ST6GALNAC3: variants seen among roughly 807,000 people sequenced by gnomAD.
ST6GALNAC3 encodes the protein alpha-N-acetylgalactosaminide alpha-2,6-sialyltransferase 3.
In ST6GALNAC3, 25 loss-of-function variants were observed where a neutral mutation model predicts 32.7. The ratio of observed to expected loss-of-function variants is 0.76; its 90% confidence interval spans 0.56 to 1.07. The LOEUF is 1.07. Among genes scored for constraint, ST6GALNAC3 ranks in the 50% least tolerant of loss-of-function variants. The pLI is 0.00. For synonymous variants in ST6GALNAC3, 129 were observed against 133.1 expected (o/e 0.97, Z 0.21); for missense variants, 355 against 382.4 (o/e 0.93, Z 0.60).
At chr1:76,430,592 T>A (rs1397326308) in intron 3 of ST6GALNAC3, among the ~76,000 whole-genome samples, 3 of 152,184 alleles carry the variant, frequency 2.0e-5, no homozygotes, top group Non-Finnish European at 2.9e-5. Context: ...TGCAGCTCTC[T>A]CTAACAGCCC....
intron 3 of ST6GALNAC3, among the ~76,000 whole-genome samples, chr1:76,431,368 A>T (rs1655740469): frequency 6.6e-6 from 1 of 152,204 alleles, no homozygotes; most frequent in Admixed American, 6.5e-5. Flanking sequence ...GATAATTTTT[A>T]CTTTATTTTT....
chr1:76,352,724 A>G (rs1431408329), intron 2 of ST6GALNAC3, among the ~76,000 whole-genome samples: 1 of 152,062 alleles, frequency 6.6e-6, no homozygotes, highest in East Asian at 1.9e-4. Context: ...GTGGATGTAT[A>G]ATAATTATCA....
intron 1 of ST6GALNAC3, among the ~76,000 whole-genome samples, chr1:76,137,276 C>T (rs1446255709): frequency 6.6e-6 from 1 of 152,184 alleles, no homozygotes; most frequent in Non-Finnish European, 1.5e-5. Context: ...GAGATTCTTG[C>T]CCCGATTTTC....
intron 1 of ST6GALNAC3, among the ~76,000 whole-genome samples, chr1:76,246,167 T>G (rs1657246193): frequency 6.6e-6 from 1 of 152,234 alleles, no homozygotes; most frequent in South Asian, 2.1e-4. Flanking sequence ...TGTAATGCCC[T>G]TCTTTGTCTT....
chr1:76,558,837 C>T (rs1416534641), intron 3 of ST6GALNAC3, among the ~76,000 whole-genome samples: 1 of 152,086 alleles, frequency 6.6e-6, no homozygotes, highest in East Asian at 1.9e-4. Context: ...ACTATAGTTA[C>T]ACAGGTATAG....
chr1:76,361,151 T>G (rs983752760), intron 2 of ST6GALNAC3, among the ~76,000 whole-genome samples: 4 of 152,180 alleles, frequency 2.6e-5, no homozygotes, highest in African/African-American at 9.7e-5. Flanking sequence ...ATATTTGCAT[T>G]GTTATAAAAT....
intron 1 of ST6GALNAC3, among the ~76,000 whole-genome samples, chr1:76,275,441 C>A (rs1174833966): frequency 6.6e-6 from 1 of 152,048 alleles, no homozygotes; most frequent in Non-Finnish European, 1.5e-5. Context: ...TAACTTTGGC[C>A]CTTCTTGGAG....
At chr1:76,120,587 A>C (rs427589) in intron 1 of ST6GALNAC3, among the ~76,000 whole-genome samples, 92,088 of 151,982 alleles carry the variant, frequency 0.61, 28,389 homozygotes, top group African/African-American at 0.67. Flanking sequence ...AATTATAGGA[A>C]TTGCTCAAGG....
At chr1:76,552,676 A>G (rs1664705660) in intron 3 of ST6GALNAC3, among the ~76,000 whole-genome samples, 1 of 152,212 alleles carries the variant, frequency 6.6e-6, no homozygotes, top group African/African-American at 2.4e-5. Context: ...CAAACCATTT[A>G]TGCTTTAATA....
At chr1:76,246,315 G>T (rs1413126891) in intron 1 of ST6GALNAC3, among the ~76,000 whole-genome samples, 1 of 152,140 alleles carries the variant, frequency 6.6e-6, no homozygotes, top group African/African-American at 2.4e-5. Context: ...TTGCACGTAA[G>T]ATTGGTCTTC....
intron 1 of ST6GALNAC3, among the ~76,000 whole-genome samples, chr1:76,226,787 A>T (rs1183458395): frequency 6.6e-6 from 1 of 152,062 alleles, no homozygotes; most frequent in African/African-American, 2.4e-5. Context: ...ATGGTACTAA[A>T]CTATTCAGGG....
chr1:76,459,549 G>A (rs141680045), intron 3 of ST6GALNAC3, among the ~76,000 whole-genome samples: 2,064 of 146,914 alleles, frequency 0.014, 42 homozygotes, highest in African/African-American at 0.049. Flanking sequence ...GGGCGACAGA[G>A]CAAGACTCCA....
intron 2 of ST6GALNAC3, among the ~76,000 whole-genome samples, chr1:76,349,599 A>T (rs1648807552): frequency 1.3e-5 from 2 of 152,204 alleles, no homozygotes; most frequent in Non-Finnish European, 2.9e-5. Context: ...TTGGAGGGAA[A>T]TGCGCAGAAA....
At position 76,284,506 on chromosome 1, in the gene ST6GALNAC3, G is replaced by A. The variant is rs182564373; in HGVS notation, c.19-29299G>A. On this transcript the variant is annotated intron_variant, in intron 1 of 4. Transcript: ENST00000328299. ...TTTGGGGTCCAATTAGCAACATTAA[G>A]ATAAATTTTATATACTGGCTTCCTG... Among the ~76,000 whole-genome samples, 486 of 152,264 alleles carry A rather than the reference G, an allele frequency of 3.2e-3. 3 individuals are homozygous for A. Among genetic ancestry groups the A allele is most frequent in the African/African-American group, 0.011 (473 of 41,548 alleles).
chr1:76,605,861 T>TA (rs1159864958), intron 3 of ST6GALNAC3, among the ~76,000 whole-genome samples: 2,615 of 58,852 alleles, frequency 0.044, 648 homozygotes, highest in Middle Eastern at 0.083. Context: ...GGAGACTCCA[T>TA]AAAAAAAAAA....
chr1:76,130,049 G>A (rs201350505), intron 1 of ST6GALNAC3, among the ~76,000 whole-genome samples: 2 of 152,168 alleles, frequency 1.3e-5, no homozygotes, highest in East Asian at 1.9e-4. Context: ...GGCACCCAGC[G>A]TGTGGCCCTT....
chr1:76,516,006 A>G (rs1662147446), intron 3 of ST6GALNAC3, among the ~76,000 whole-genome samples: 1 of 152,152 alleles, frequency 6.6e-6, no homozygotes, highest in African/African-American at 2.4e-5. Flanking sequence ...GTGGAGTGTT[A>G]AAGTCCGATA....
chr1:76,577,040 T>G, intron 3 of ST6GALNAC3: 3 of 1,164,394 alleles, frequency 2.6e-6, no homozygotes, highest in Non-Finnish European at 2.2e-6. Flanking sequence ...TGTAAAGTTC[T>G]TTCCCTTTGT....
At chr1:76,540,098 A>G (rs548771772) in intron 3 of ST6GALNAC3, among the ~76,000 whole-genome samples, 1 of 152,344 alleles carries the variant, frequency 6.6e-6, no homozygotes, top group East Asian at 1.9e-4. Context: ...AAAGACATGG[A>G]ACCAACCCAA....
Sources: gnomAD v4.1 joint callset for allele counts (sites outside exome capture counted in the v4.1 genomes callset) on GRCh38, gnomAD v4.1.1 for gene constraint, MANE v1.5 for transcripts, NCBI Gene and HGNC (gene_info 2026-07-23, HGNC 2026-07-21) for gene names.